TEX11: variants seen among roughly 807,000 people sequenced by gnomAD.
TEX11 encodes the protein testis expressed 11.
A neutral mutation model predicts 84.4 loss-of-function variants in TEX11; 7 were observed. That is an observed-to-expected ratio of 0.08 (90% CI 0.05 to 0.16). TEX11 has a LOEUF of 0.16. Among genes scored for constraint, TEX11 ranks in the 10% least tolerant of loss-of-function variants. The pLI is 1.00. For missense variants in TEX11, 551 were observed against 660.5 expected (o/e 0.83, Z 1.82); for synonymous variants, 264 against 222.8 (o/e 1.18, Z -1.64).
intron 11 of TEX11, among the ~76,000 whole-genome samples, chrX:70,728,661 C>T (rs972449046): frequency 8.3e-5 from 9 of 108,966 alleles, no homozygotes; most frequent in Non-Finnish European, 1.3e-4. Context: ...AACAAAGAGG[C>T]TGGGAAGCTC....
intron 17 of TEX11, among the ~76,000 whole-genome samples, chrX:70,645,344 C>T (rs977238980): frequency 9.1e-6 from 1 of 110,297 alleles, no homozygotes; most frequent in African/African-American, 3.3e-5. Context: ...TAACACCATA[C>T]TCAATGGTGA....
intron 16 of TEX11, among the ~76,000 whole-genome samples, chrX:70,655,859 C>G (rs992344121): frequency 1.8e-5 from 2 of 110,759 alleles, no homozygotes; most frequent in Admixed American, 9.6e-5. Flanking sequence ...TATACAACAA[C>G]AACACAAAAA....
At chrX:70,759,908 C>T (rs748887764) in intron 9 of TEX11, among the ~76,000 whole-genome samples, 1 of 112,090 alleles carries the variant, frequency 8.9e-6, no homozygotes, top group Non-Finnish European at 1.9e-5. Context: ...TAAACAACTT[C>T]AGCCAAGTCT....
intron 9 of TEX11, among the ~76,000 whole-genome samples, chrX:70,794,371 G>T (rs2091143328): frequency 9.0e-6 from 1 of 111,603 alleles, no homozygotes; most frequent in Non-Finnish European, 1.9e-5. Flanking sequence ...AAGCCTCATT[G>T]CTGTCGGCTA....
chrX:70,768,582 AAG>A (rs1321115637), intron 9 of TEX11, among the ~76,000 whole-genome samples: 1 of 111,348 alleles, frequency 9.0e-6, no homozygotes, highest in Non-Finnish European at 1.9e-5. Flanking sequence ...GGCAGCAGGC[AAG>A]AGAGAGAGGG....
At chrX:70,687,891 G>A (rs199955728) in intron 13 of TEX11, among the ~76,000 whole-genome samples, 4 of 91,064 alleles carry the variant, frequency 4.4e-5, no homozygotes. Context: ...GAAAGAAAAG[G>A]AAGGAAGGAA....
At chrX:70,706,843 C>T (rs1197471455) in intron 13 of TEX11, among the ~76,000 whole-genome samples, 1 of 110,849 alleles carries the variant, frequency 9.0e-6, no homozygotes, top group African/African-American at 3.3e-5. Flanking sequence ...AATTAATCTC[C>T]CTATCTCTCA....
chrX:70,725,572 T>G (rs774034107), intron 11 of TEX11, among the ~76,000 whole-genome samples: 45 of 112,065 alleles, frequency 4.0e-4, no homozygotes, highest in Non-Finnish European at 6.4e-4. Flanking sequence ...ATATTTCCAA[T>G]GAGTGACAAA....
At chrX:70,529,316 G>A (rs1359292677) in intron 29 of TEX11, 129 bp from the exon 30 acceptor site, 5 of 478,862 alleles carry the variant, frequency 1.0e-5, no homozygotes. Flanking sequence ...CAGATTTGGG[G>A]AGAAAATACA....
chrX:70,549,472 C>A (rs1368589572), intron 28 of TEX11, among the ~76,000 whole-genome samples: 4 of 111,559 alleles, frequency 3.6e-5, no homozygotes, highest in Non-Finnish European at 5.7e-5. Flanking sequence ...TCCTAGGGTC[C>A]CCGGTTCCAG....
chrX:70,789,107 G>T lies in TEX11; in HGVS notation c.692+17598C>A, dbSNP rs1245359570. Among the ~76,000 whole-genome samples the T allele has an allele frequency of 3.9e-5, 4 of 102,532 alleles. No homozygotes were observed. The East Asian group carries it at 1.3e-3, about 32-fold the overall frequency. 89.0% of individuals were successfully genotyped at this position (102,532 alleles called of 115,157 possible). A position where few individuals can be genotyped will look rare whatever the true frequency, so the allele number is the denominator to read the frequency against. ...CCTAGCTACTCCAGAGGCTGATGCA[G>T]GAGGATTGCTTGAGCACAGGAGTAC... On this transcript the variant is annotated intron_variant, in intron 9 of 29. Transcript: ENST00000374333.
intron 24 of TEX11, among the ~76,000 whole-genome samples, chrX:70,600,032 C>A (rs1322467703): frequency 9.0e-6 from 1 of 110,877 alleles, no homozygotes; most frequent in African/African-American, 3.3e-5. Context: ...TGGGTATATA[C>A]CCAGTAATGG....
At chrX:70,855,565 C>CA (rs36075950) in intron 5 of TEX11, among the ~76,000 whole-genome samples, 171 of 85,297 alleles carry the variant, frequency 2.0e-3, no homozygotes, top group South Asian at 6.6e-3. Flanking sequence ...GACTCTGTCT[C>CA]AAAAAAAAAA....
intron 17 of TEX11, among the ~76,000 whole-genome samples, chrX:70,645,718 T>A (rs2089733600): frequency 9.0e-6 from 1 of 111,254 alleles, no homozygotes; most frequent in Non-Finnish European, 1.9e-5. Flanking sequence ...AAATTTAATG[T>A]TGAAGTGAAA....
intron 28 of TEX11, among the ~76,000 whole-genome samples, chrX:70,541,381 A>G (rs1385787581): frequency 9.0e-6 from 1 of 111,366 alleles, no homozygotes; most frequent in Admixed American, 9.6e-5. Context: ...AGGAAACATG[A>G]GGAATACTTG....
chrX:70,711,032 T>C (rs773365770), intron 13 of TEX11, among the ~76,000 whole-genome samples: 2 of 108,055 alleles, frequency 1.9e-5, no homozygotes, highest in East Asian at 6.1e-4. Context: ...AGTGAGAACA[T>C]GTGGTGTTTG....
At chrX:70,780,995 C>T (rs1310498596) in intron 9 of TEX11, among the ~76,000 whole-genome samples, 3 of 112,516 alleles carry the variant, frequency 2.7e-5, no homozygotes, top group African/African-American at 9.7e-5. Flanking sequence ...AATGGACAGA[C>T]TGCCTCCTCA....
intron 9 of TEX11, among the ~76,000 whole-genome samples, chrX:70,772,604 A>C (rs2090978219): frequency 9.0e-6 from 1 of 110,984 alleles, no homozygotes; most frequent in Non-Finnish European, 1.9e-5. Context: ...TAATCAAGGA[A>C]ACGACACCAC....
intron 8 of TEX11, among the ~76,000 whole-genome samples, chrX:70,819,736 T>C (rs768423952): frequency 8.9e-6 from 1 of 112,018 alleles, no homozygotes; most frequent in Non-Finnish European, 1.9e-5. Flanking sequence ...AGTAACATGA[T>C]ACAAAATCAA....
Sources: gnomAD v4.1 joint callset for allele counts (sites outside exome capture counted in the v4.1 genomes callset) on GRCh38, gnomAD v4.1.1 for gene constraint, MANE v1.5 for transcripts, NCBI Gene and HGNC (gene_info 2026-07-23, HGNC 2026-07-21) for gene names.